The following PDE3B variants were observed in gnomAD, a reference collection of about 807,000 sequenced individuals.
The protein encoded by PDE3B is cGMP-inhibited 3',5'-cyclic phosphodiesterase 3B.
In PDE3B, 66 loss-of-function variants were observed where a neutral mutation model predicts 116.8. That is an observed-to-expected ratio of 0.56 (90% confidence interval 0.46 to 0.69). The LOEUF (loss-of-function observed/expected upper bound fraction) is 0.69, where lower values mean the gene tolerates loss of function less well. Ranked by LOEUF, PDE3B falls within the 30% of genes least tolerant of loss-of-function variation. PDE3B has a pLI of 0.00. For missense variants in PDE3B, 1,384 were observed against 1,368.1 expected, an observed-to-expected ratio of 1.01 and a Z score of -0.18; for synonymous variants, 595 against 533.6, an observed-to-expected ratio of 1.12 and a Z score of -1.59.
Position 14,718,654 on chromosome 11 carries a change from C to G in PDE3B, c.979-53283C>G, listed in dbSNP as rs1299875546. ...GCTCAACTACATGGAAACTGAACAA[C>G]CTGCTCCTGAATGACTACTGGGTAC... On this transcript the variant is annotated intron_variant, in intron 1 of 15. Coordinates refer to ENST00000282096, the MANE Select transcript of PDE3B (RefSeq NM_000922.4). Among the ~76,000 whole-genome samples, 733 of 150,606 alleles carry G rather than the reference C, an allele frequency of 4.9e-3. 10 individuals carry two copies. The highest frequency in any genetic ancestry group is 0.017 in the African/African-American group (715 of 40,958).
the PDE3B span, among the ~76,000 whole-genome samples, chr11:14,888,504 C>T: frequency 2.6e-4 from 40 of 152,296 alleles, no homozygotes; most frequent in African/African-American, 8.4e-4. Flanking sequence ...ATTTGGAAGG[C>T]TTCCTTTGAC....
intron 12 of PDE3B, among the ~76,000 whole-genome samples, chr11:14,856,874 CT>C (rs1847862075): frequency 6.6e-6 from 1 of 150,574 alleles, no homozygotes; most frequent in Non-Finnish European, 1.5e-5. Flanking sequence ...AAAAAAGTGC[CT>C]TCTTAGTCAT....
chr11:14,896,347 C>T, the PDE3B span, among the ~76,000 whole-genome samples: 1 of 152,106 alleles, frequency 6.6e-6, no homozygotes, highest in Non-Finnish European at 1.5e-5. Flanking sequence ...TGTGTTCTTT[C>T]AGTCATTCAC....
intron 1 of PDE3B, among the ~76,000 whole-genome samples, chr11:14,709,557 T>C (rs1855637326): frequency 6.6e-6 from 1 of 152,206 alleles, no homozygotes; most frequent in Non-Finnish European, 1.5e-5. Flanking sequence ...TTTTAAATTA[T>C]CTTTTGTGTT....
At chr11:14,670,068 A>G (rs1854319360) in intron 1 of PDE3B, among the ~76,000 whole-genome samples, 2 of 152,168 alleles carry the variant, frequency 1.3e-5, no homozygotes, top group Admixed American at 6.5e-5. Flanking sequence ...GTGCCTTAGC[A>G]TAGTTATCTG....
chr11:14,827,096 A>C (rs1243504281), intron 7 of PDE3B, among the ~76,000 whole-genome samples: 1 of 152,220 alleles, frequency 6.6e-6, no homozygotes, highest in Admixed American at 6.5e-5. Context: ...AGATGCAGAA[A>C]AAGGCTTTTG....
chr11:14,714,529 A>G (rs1841456256), intron 1 of PDE3B, among the ~76,000 whole-genome samples: 1 of 149,300 alleles, frequency 6.7e-6, no homozygotes, highest in South Asian at 2.2e-4. Context: ...GACCCAGCTA[A>G]ACCCTGTCTC....
At chr11:14,652,377 T>G (rs1215819427) in intron 1 of PDE3B, among the ~76,000 whole-genome samples, 2 of 152,182 alleles carry the variant, frequency 1.3e-5, no homozygotes, top group Non-Finnish European at 2.9e-5. Flanking sequence ...CTGTTTTGAT[T>G]ATTGTATCTT....
intron 1 of PDE3B, among the ~76,000 whole-genome samples, chr11:14,770,054 A>G (rs1481877320): frequency 1.3e-5 from 2 of 151,474 alleles, no homozygotes; most frequent in East Asian, 3.9e-4. Flanking sequence ...AGTCAGGGAA[A>G]TAAGGTATAC....
intron 1 of PDE3B, among the ~76,000 whole-genome samples, chr11:14,662,851 C>T (rs370474068): frequency 1.1e-4 from 16 of 152,114 alleles, no homozygotes; most frequent in African/African-American, 2.9e-4. Context: ...CTGAAAGTGA[C>T]GGGGAGAATG....
At chr11:14,784,510 A>C (rs541376936) in intron 2 of PDE3B, among the ~76,000 whole-genome samples, 2 of 152,330 alleles carry the variant, frequency 1.3e-5, no homozygotes, top group Admixed American at 1.3e-4. Context: ...TGCCAAGGGC[A>C]ACCGCTAAGA....
intron 1 of PDE3B, among the ~76,000 whole-genome samples, chr11:14,749,174 C>CCATCCA (rs1856991761): frequency 6.6e-6 from 1 of 152,118 alleles, no homozygotes; most frequent in Non-Finnish European, 1.5e-5. Flanking sequence ...CAAGCGTGAG[C>CCATCCA]CATCCACGCC....
chr11:14,796,194 A>G (rs1159133352), intron 4 of PDE3B, among the ~76,000 whole-genome samples: 2 of 152,164 alleles, frequency 1.3e-5, no homozygotes, highest in African/African-American at 4.8e-5. Context: ...GTCCCTGCAA[A>G]GGACATGAAC....
chr11:14,832,423 T>C (rs1253949992), intron 9 of PDE3B, among the ~76,000 whole-genome samples: 1 of 152,216 alleles, frequency 6.6e-6, no homozygotes, highest in Non-Finnish European at 1.5e-5. Context: ...TAGATTAGAA[T>C]AGAATTCACA....
chr11:14,687,725 A>G lies in PDE3B; in HGVS notation c.978+42672A>G, dbSNP rs988039205. Among the ~76,000 whole-genome samples the G allele has an allele frequency of 3.7e-4, 56 of 152,248 alleles. 1 individual carries two copies. Among genetic ancestry groups the G allele is most frequent in the African/African-American group, 1.2e-3 (51 of 41,548 alleles). The stretch of plus-strand genomic sequence containing the variant: ...TGGGGTTTGCCACTGTTTTTGTTTT[A>G]GTTGCCTATCAGATCTTTTGTCACC... On this transcript the variant is annotated intron_variant, in intron 1 of 15. Coordinates refer to ENST00000282096, the MANE Select transcript of PDE3B (RefSeq NM_000922.4).
chr11:14,868,226 C>T (rs1555008423), intron 15 of PDE3B, among the ~76,000 whole-genome samples: 1 of 152,176 alleles, frequency 6.6e-6, no homozygotes, highest in South Asian at 2.1e-4. Context: ...GTCCTCCAGC[C>T]AGTACTCTTC....
the PDE3B span, chr11:14,880,701 TC>T: frequency 6.3e-7 from 1 of 1,597,780 alleles, no homozygotes; most frequent in Non-Finnish European, 8.5e-7. Context: ...ATCCAAAATA[TC>T]GAAAACTGTT....
chr11:14,879,147 C>T, the PDE3B span: 2 of 1,613,006 alleles, frequency 1.2e-6, no homozygotes, highest in African/African-American at 2.7e-5. Flanking sequence ...TCCTTCTTGG[C>T]AAAATATCCA....
the PDE3B span, among the ~76,000 whole-genome samples, chr11:14,894,065 C>G: frequency 6.6e-6 from 1 of 152,150 alleles, no homozygotes; most frequent in Admixed American, 6.5e-5. Context: ...TTAGTCAGGT[C>G]TTTGAGTTTT....
Sources: allele counts gnomAD v4.1 joint callset (sites outside exome capture counted in the v4.1 genomes callset), GRCh38; gene constraint gnomAD v4.1.1; transcripts MANE v1.5; gene names NCBI Gene and HGNC (gene_info 2026-07-23, HGNC 2026-07-21).